Variants in PIP5K1B observed in about 807,000 individuals in gnomAD.
PIP5K1B encodes the protein phosphatidylinositol 4-phosphate 5-kinase type-1 beta.
In PIP5K1B, 42 loss-of-function variants were observed where a neutral mutation model predicts 67.0. The ratio of observed to expected loss-of-function variants is 0.63; its 90% CI spans 0.49 to 0.81. PIP5K1B has a LOEUF of 0.81. PIP5K1B is among the 30% of genes least tolerant of loss of function. PIP5K1B has a pLI of 0.00. For missense variants in PIP5K1B, 459 were observed against 646.3 expected, an observed-to-expected ratio of 0.71 and a Z score of 3.14; for synonymous variants, 214 against 231.4, an observed-to-expected ratio of 0.92 and a Z score of 0.68.
At chr9:68,986,011 C>T (rs1263585163) in intron 14 of PIP5K1B, among the ~76,000 whole-genome samples, 1 of 152,154 alleles carries the variant, frequency 6.6e-6, no homozygotes, top group Non-Finnish European at 1.5e-5. Flanking sequence ...AGTTGGTGGA[C>T]GTTTGAGTTG....
At chr9:68,793,675 G>T (rs71503639) in intron 2 of PIP5K1B, among the ~76,000 whole-genome samples, 1 of 152,116 alleles carries the variant, frequency 6.6e-6, no homozygotes, top group African/African-American at 2.4e-5. Context: ...TATGGCTGTG[G>T]AGGTGAGTGG....
chr9:68,925,100 AAATTGTATGAGTGTGACGT>A lies in PIP5K1B; in HGVS notation c.1201+1718_1201+1736del, dbSNP rs767342531. Among the ~76,000 whole-genome samples the A allele has an allele frequency of 4.0e-3, 603 of 152,208 alleles. 1 individual carries two copies. Among genetic ancestry groups the A allele is most frequent in the Non-Finnish European group, 6.4e-3 (436 of 68,002 alleles). ...CACCATTTGAAGTTGCAACACATTA[AAATTGTATGAGTGTGACGT>A]AATCTAATTTTTTTTTTTGCCAGAA... On this transcript the variant is annotated intron_variant, in intron 12 of 15. Transcript: ENST00000265382.
At chr9:68,745,150 C>T (rs1829225805) in intron 2 of PIP5K1B, among the ~76,000 whole-genome samples, 1 of 152,190 alleles carries the variant, frequency 6.6e-6, no homozygotes, top group Non-Finnish European at 1.5e-5. Context: ...CCTTCCACAT[C>T]GTAAGAGCCT....
chr9:68,959,414 CA>C (rs1183791866), intron 14 of PIP5K1B, among the ~76,000 whole-genome samples: 4 of 152,004 alleles, frequency 2.6e-5, no homozygotes, highest in African/African-American at 9.7e-5. Flanking sequence ...ATAGTTCTTC[CA>C]GGACTATTAT....
chr9:68,892,781 C>T (rs1282922444), intron 7 of PIP5K1B, among the ~76,000 whole-genome samples: 2 of 152,104 alleles, frequency 1.3e-5, no homozygotes, highest in Admixed American at 6.6e-5. Flanking sequence ...CAAAAGGCAA[C>T]ACATTTAGGC....
At chr9:68,961,175 AGT>A (rs1828720249) in intron 14 of PIP5K1B, among the ~76,000 whole-genome samples, 2 of 150,398 alleles carry the variant, frequency 1.3e-5, no homozygotes, top group East Asian at 3.9e-4. Flanking sequence ...GCGCCACTGC[AGT>A]CCGCAGTCCG....
chr9:68,934,519 C>T (rs1351584613), intron 12 of PIP5K1B, among the ~76,000 whole-genome samples: 1 of 152,196 alleles, frequency 6.6e-6, no homozygotes, highest in African/African-American at 2.4e-5. Flanking sequence ...CTTATCAACT[C>T]ACCCATCCTC....
At chr9:69,007,714 A>C (rs1029773214) in intron 15 of PIP5K1B, among the ~76,000 whole-genome samples, 3 of 152,064 alleles carry the variant, frequency 2.0e-5, no homozygotes, top group Non-Finnish European at 2.9e-5. Flanking sequence ...AAAATTAGCC[A>C]GGCGTGATGG....
intron 7 of PIP5K1B, 66 bp downstream of exon 7, chr9:68,889,199 C>A: frequency 7.5e-7 from 1 of 1,326,172 alleles, no homozygotes; most frequent in Non-Finnish European, 1.1e-6. Context: ...CAGTTTTTTT[C>A]TGTTGTTTTT....
chr9:69,001,702 A>C (rs1830831891), intron 15 of PIP5K1B, among the ~76,000 whole-genome samples: 1 of 152,118 alleles, frequency 6.6e-6, no homozygotes, highest in Non-Finnish European at 1.5e-5. Flanking sequence ...TGCCCCCATG[A>C]ATCAATCGCC....
At chr9:68,857,284 A>G (rs1253588805) in intron 4 of PIP5K1B, among the ~76,000 whole-genome samples, 1 of 152,234 alleles carries the variant, frequency 6.6e-6, no homozygotes, top group Non-Finnish European at 1.5e-5. Context: ...AACTAATACA[A>G]GGAAGAACTT....
In PIP5K1B at chr9:69,004,590, G is replaced by T. The variant is rs1314521137; in HGVS notation, c.1621-3857G>T. Among the ~76,000 whole-genome samples, 4 of 152,176 alleles carry T rather than the reference G, an allele frequency of 2.6e-5. No homozygotes were observed. In the South Asian group the frequency reaches 8.3e-4, roughly 32 times the overall value. On this transcript the variant is annotated intron_variant, in intron 15 of 15. Transcript: ENST00000265382. ...TCGGTCAGGATGGGTCTGAATCTTG[G>T]TTGACCTTGAGGAGAAGCTGCTAAT... is the stretch of plus-strand genomic sequence containing the variant.
intron 4 of PIP5K1B, among the ~76,000 whole-genome samples, chr9:68,827,062 C>T (rs1014882356): frequency 2.6e-5 from 4 of 152,182 alleles, no homozygotes; most frequent in Non-Finnish European, 4.4e-5. Flanking sequence ...AAAAATTCCA[C>T]TTTTTAAGTG....
chr9:68,796,073 G>T (rs1022764898), intron 2 of PIP5K1B, among the ~76,000 whole-genome samples: 1 of 152,204 alleles, frequency 6.6e-6, no homozygotes, highest in African/African-American at 2.4e-5. Flanking sequence ...TGCACTTCAT[G>T]TATATTGTTC....
intron 14 of PIP5K1B, among the ~76,000 whole-genome samples, chr9:68,987,157 G>GGC (rs1830128278): frequency 6.6e-6 from 1 of 152,138 alleles, no homozygotes; most frequent in Non-Finnish European, 1.5e-5. Context: ...GAGGCTAAGA[G>GGC]AGGAGAATCA....
chr9:68,973,120 G>T (rs1829471802), intron 14 of PIP5K1B, among the ~76,000 whole-genome samples: 2 of 152,180 alleles, frequency 1.3e-5, no homozygotes, highest in African/African-American at 2.4e-5. Flanking sequence ...CTGGTTAGAA[G>T]GGGAGACCAC....
intron 8 of PIP5K1B, among the ~76,000 whole-genome samples, chr9:68,906,420 G>C (rs1350658085): frequency 6.6e-6 from 1 of 152,188 alleles, no homozygotes. Flanking sequence ...GTCCGTGGGG[G>C]GAATGTCTCC....
chr9:68,743,632 T>G (rs933520858), intron 2 of PIP5K1B, among the ~76,000 whole-genome samples: 1 of 152,244 alleles, frequency 6.6e-6, no homozygotes, highest in African/African-American at 2.4e-5. Flanking sequence ...GGTCAGTGTA[T>G]GTTGATTTGC....
chr9:68,728,523 G>A (rs1564091838), intron 1 of PIP5K1B, among the ~76,000 whole-genome samples: 1 of 152,054 alleles, frequency 6.6e-6, no homozygotes, highest in African/African-American at 2.4e-5. Flanking sequence ...CAAACATTCA[G>A]TTCATAACAG....
Sources: allele counts gnomAD v4.1 joint callset (sites outside exome capture counted in the v4.1 genomes callset), GRCh38; gene constraint gnomAD v4.1.1; transcripts MANE v1.5; gene names NCBI Gene and HGNC (gene_info 2026-07-23, HGNC 2026-07-21).